Variants in BACE1-AS observed in about 807,000 individuals in gnomAD.
The protein encoded by BACE1-AS is BACE1 antisense RNA (non-protein coding).
In BACE1-AS at chr11:117,291,766, A is replaced by G; in HGVS notation, n.120A>G. ...CAGCTTCAAACACTTTCTTGGGCAA[A>G]CGAAGGTTGGTGGTGCCACTGTCCA... On this transcript the variant is annotated non_coding_transcript_exon_variant, in exon 2 of 4. Coordinates refer to ENST00000614401, the Ensembl canonical transcript of BACE1-AS. 1.9e-6 allele frequency: 3 copies of G among 1,613,512 alleles called. 1 individual carries two copies. The South Asian group carries it at 3.3e-5, about 18-fold the overall frequency.
intron 1 of BACE1-AS, chr11:117,291,672 A>G: frequency 3.5e-6 from 5 of 1,440,206 alleles, no homozygotes; most frequent in Non-Finnish European, 4.9e-6. Context: ...TCCCTCTGAC[A>G]CTGTACCATC....
At chr11:117,291,877 G>T (rs1253185992) in intron 2 of BACE1-AS, 13 of 1,278,464 alleles carry the variant, frequency 1.0e-5, no homozygotes, top group Admixed American at 5.2e-5. Flanking sequence ...CTGGGCAGTA[G>T]GGGGTTACTG....
chr11:117,291,500 A>T (rs1432952918), intron 1 of BACE1-AS, among the ~76,000 whole-genome samples: 1 of 151,266 alleles, frequency 6.6e-6, no homozygotes, highest in Non-Finnish European at 1.5e-5. Context: ...CTGGTCTTGA[A>T]CTCCTGACCT....
chr11:117,291,939 C>G, intron 2 of BACE1-AS: 1 of 597,736 alleles, frequency 1.7e-6, no homozygotes, highest in Non-Finnish European at 3.1e-6. Flanking sequence ...CTAAGTGTAC[C>G]TGCTTGGACA....
chr11:117,291,956 C>T (rs28989505), intron 2 of BACE1-AS: 12 of 544,136 alleles, frequency 2.2e-5, no homozygotes, highest in Middle Eastern at 3.2e-4. Context: ...GACAAGTTAA[C>T]CTCTGTGCCT....
intron 2 of BACE1-AS, chr11:117,291,844 C>G (rs367712645): frequency 6.4e-7 from 1 of 1,557,954 alleles, no homozygotes; most frequent in Non-Finnish European, 8.8e-7. Flanking sequence ...TTAAAAGAGT[C>G]AAAAGGTTTT....
At chr11:117,291,489 G>C (rs1415386592) in intron 1 of BACE1-AS, among the ~76,000 whole-genome samples, 1 of 152,128 alleles carries the variant, frequency 6.6e-6, no homozygotes, top group Non-Finnish European at 1.5e-5. Context: ...TGTTGGTCAG[G>C]CTGGTCTTGA....
At chr11:117,291,778 G>A in intron 2 of BACE1-AS, 1 of 1,613,316 alleles carries the variant, frequency 6.2e-7, no homozygotes, top group South Asian at 1.1e-5. Flanking sequence ...GAAGGTTGGT[G>A]GTGCCACTGT....
exon 2 of BACE1-AS, chr11:117,291,704 C>G (rs1242575820): frequency 3.1e-6 from 5 of 1,601,378 alleles, no homozygotes; most frequent in Non-Finnish European, 3.4e-6. Context: ...CATCCTTAGT[C>G]CACTCACGGA....
intron 2 of BACE1-AS, chr11:117,291,893 GC>G: frequency 9.2e-7 from 1 of 1,085,310 alleles, no homozygotes. Flanking sequence ...TACTGCTGGG[GC>G]CCCAGCTGGG....
At chr11:117,291,547 A>C (rs2034436308) in intron 1 of BACE1-AS, among the ~76,000 whole-genome samples, 1 of 152,146 alleles carries the variant, frequency 6.6e-6, no homozygotes, top group South Asian at 2.1e-4. Context: ...AAGTGCTGGG[A>C]TTACAGGCGT....
rs2034445488 is a variant in BACE1-AS, at chr11:117,291,768, G to A, written n.122G>A. On this transcript the variant is annotated non_coding_transcript_exon_variant, in exon 2 of 4. Coordinates refer to ENST00000614401, the Ensembl canonical transcript of BACE1-AS. ...GCTTCAAACACTTTCTTGGGCAAAC[G>A]AAGGTTGGTGGTGCCACTGTCCACA... is the stretch of plus-strand genomic sequence containing the variant. 2.5e-6 allele frequency: 4 copies of A among 1,613,364 alleles called. No individual in the cohort carries two copies. Among genetic ancestry groups the A allele is most frequent in the Non-Finnish European group, 3.4e-6 (4 of 1,179,568 alleles).
At chr11:117,291,886 T>G in intron 2 of BACE1-AS, 1 of 1,195,520 alleles carries the variant, frequency 8.4e-7, no homozygotes, top group Non-Finnish European at 1.2e-6. Context: ...AGGGGGTTAC[T>G]GCTGGGGCCC....
intron 2 of BACE1-AS, chr11:117,291,891 G>T: frequency 8.8e-7 from 1 of 1,131,194 alleles, no homozygotes; most frequent in Non-Finnish European, 1.3e-6. Flanking sequence ...GTTACTGCTG[G>T]GGCCCCAGCT....
At chr11:117,291,898 A>G (rs1285994266) in intron 2 of BACE1-AS, 7 of 986,966 alleles carry the variant, frequency 7.1e-6, no homozygotes, top group African/African-American at 1.6e-5. Flanking sequence ...CTGGGGCCCC[A>G]GCTGGGTTGG....
chr11:117,291,566 A>G (rs1046644793), intron 1 of BACE1-AS: 17 of 578,416 alleles, frequency 2.9e-5, no homozygotes, highest in Admixed American at 1.2e-4. Context: ...GTGAGCCACC[A>G]CGCCTGGCTA....
At chr11:117,291,868 T>A in intron 2 of BACE1-AS, 2 of 1,388,474 alleles carry the variant, frequency 1.4e-6, no homozygotes, top group Non-Finnish European at 2.0e-6. Flanking sequence ...TGCTGGGCTC[T>A]GGGCAGTAGG....
intron 2 of BACE1-AS, chr11:117,291,823 A>G: frequency 6.3e-7 from 1 of 1,594,298 alleles, no homozygotes; most frequent in South Asian, 1.1e-5. Context: ...ACTAAGAGGG[A>G]AAAGAGAGAG....
chr11:117,292,140 A>C (rs1246327512), intron 2 of BACE1-AS: 3 of 163,248 alleles, frequency 1.8e-5, no homozygotes, highest in Non-Finnish European at 2.6e-5. Context: ...TCCAAACTTG[A>C]AAATAAAAAT....
Sources: gnomAD v4.1 joint callset for allele counts (sites outside exome capture counted in the v4.1 genomes callset) on GRCh38, gnomAD v4.1.1 for gene constraint, MANE v1.5 for transcripts, NCBI Gene and HGNC (gene_info 2026-07-23, HGNC 2026-07-21) for gene names.